Variants in PNCK observed in about 807,000 individuals in gnomAD.
PNCK encodes pregnancy up-regulated nonubiquitous CaM kinase, also known as calcium/calmodulin-dependent protein kinase type 1B.
PNCK carries 21 observed loss-of-function variants against 28.3 expected under a neutral mutation model. The observed-to-expected ratio is 0.74, with a 90% CI of 0.53 to 1.07. The LOEUF (loss-of-function observed/expected upper bound fraction) is 1.07, where lower values mean the gene tolerates loss of function less well. Ranked by LOEUF, PNCK falls within the 50% of genes least tolerant of loss-of-function variation. PNCK has a pLI of 0.00. For synonymous variants in PNCK, 136 were observed against 125.2 expected, an observed-to-expected ratio of 1.09 and a Z score of -0.58; for missense variants, 250 against 298.3, an observed-to-expected ratio of 0.84 and a Z score of 1.19.
rs2091273185 is a variant in PNCK at position 153,670,014 on chromosome X, C to T, written c.*124G>A. On this transcript the variant is annotated 3_prime_UTR_variant, in exon 12 of 12. Transcript: ENST00000340888. ...TCCAACCCCAGCGCCATGCGCCACA[C>T]CCTCAAATCTCAAAATCCAGCAGAG... 3.5e-6 allele frequency: 1 copy of T among 284,880 alleles called. No individual in the cohort carries two copies. Among genetic ancestry groups the T allele is most frequent in the African/African-American group, 2.7e-5 (1 of 36,409 alleles). 23.5% of individuals were successfully genotyped at this position (284,880 alleles called of 1,213,427 possible). A position where few individuals can be genotyped will look rare whatever the true frequency, so the allele number is the denominator to read the frequency against.
chrX:153,672,071 C>T (rs2044394509), intron 4 of PNCK, 53 bp from the exon 5 acceptor site: 3 of 1,198,808 alleles, frequency 2.5e-6, no homozygotes, highest in Non-Finnish European at 3.4e-6. Context: ...GCCTTCAGCC[C>T]CACTCACTGC....
Position 153,671,955 on chromosome X carries a change from G to A in PNCK, c.339C>T (p.Ala113=), listed in dbSNP as rs1557040060. The A allele has an allele frequency of 2.5e-6, 3 of 1,209,251 alleles. No homozygotes were observed. Among genetic ancestry groups the A allele is most frequent in the Non-Finnish European group, 3.4e-6 (3 of 895,120 alleles). The part of the protein sequence containing the change: ...MERGSYTEKD[A]SHLVGQVLGA... ...CAAGGACCTGACCCACCAGATGGCT[G>A]GCATCCTTCTCTGTGTAGGAGCCGC... Residue 113 remains alanine, a synonymous_variant, in exon 5 of 12, where the codon GCC becomes GCT. Transcript: ENST00000340888.
chrX:153,670,502 G>A lies in PNCK; in HGVS notation c.987C>T (p.Arg329=). The A allele has an allele frequency of 8.3e-7, 1 of 1,209,754 alleles. No homozygotes were observed. The highest frequency in any genetic ancestry group is 1.1e-6 in the Non-Finnish European group (1 of 894,890). ...CAGCACGGAGGCCTGAGTGGCTGTG[G>A]CGGGCCATGCCCTGCTCAGAGGCCC... The part of the protein sequence containing the change: ...GEGASEQGMA[R]HSHSGLRAGQ... Residue 329 remains arginine (R), a synonymous_variant, in exon 11 of 12, where the codon CGC becomes CGT. Transcript: ENST00000340888.
intron 11 of PNCK, 75 bp from the exon 12 acceptor site, chrX:153,670,205 C>G: frequency 1.6e-5 from 7 of 428,599 alleles, no homozygotes; most frequent in Non-Finnish European, 2.8e-5. Flanking sequence ...CCCCCCGCCT[C>G]GGTCAAATCC....
At chrX:153,677,938 A>C (rs781976153), upstream of PNCK, among the ~76,000 whole-genome samples, 1 of 108,050 alleles carries the variant, frequency 9.3e-6, no homozygotes, top group African/African-American at 3.4e-5. Flanking sequence ...ACCCATGTAC[A>C]TATAGATAGA....
chrX:153,673,729 T>C (rs2091343880), intron 1 of PNCK, 51 bp downstream of exon 1: 5 of 694,616 alleles, frequency 7.2e-6, no homozygotes, highest in Non-Finnish European at 8.5e-6. Flanking sequence ...GCGGGCCGGA[T>C]CCGGTGCGCC....
At chrX:153,674,309 C>T (rs1407517792), upstream of PNCK, 6 of 883,201 alleles carry the variant, frequency 6.8e-6, no homozygotes, top group East Asian at 2.0e-4. Flanking sequence ...CCAGAGCATT[C>T]CTTTTATTGA....
At chrX:153,672,091 C>T (rs200709145) in intron 4 of PNCK, 35 bp downstream of exon 4, 14,384 of 1,196,071 alleles carry the variant, frequency 0.012, 74 homozygotes, top group Non-Finnish European at 0.015. Context: ...CTCAGTCCCT[C>T]CCCGGCTCCC....
Position 153,670,817 on chromosome X carries a change from G to A in PNCK, c.821C>T (p.Thr274Ile), listed in dbSNP as rs782342775. ...ALRHLWISGD[T>I]AFDRDILGSV... ...GCCTAAGATGTCCCTGTCGAAGGCT[G>A]TGTCCCCAGAGATCCTGGGGAAAGG... The change falls in exon 10 of 12, where the codon ACA becomes ATA. Residue 274 changes from threonine to isoleucine, a missense_variant. Coordinates refer to ENST00000340888, the MANE Select transcript of PNCK (RefSeq NM_001366977.1). 7.4e-6 allele frequency: 9 copies of A among 1,211,465 alleles called. No individual in the cohort carries two copies. Among genetic ancestry groups the A allele is most frequent in the Non-Finnish European group, 1.0e-5 (9 of 894,853 alleles).
At chrX:153,673,295 C>A (rs201493480) in intron 1 of PNCK, 7 of 1,182,803 alleles carry the variant, frequency 5.9e-6, no homozygotes, top group Non-Finnish European at 7.9e-6. Flanking sequence ...TGCTATCCCA[C>A]GCACCCTCCC....
chrX:153,671,716 G>A lies in PNCK; in HGVS notation c.415-44C>T, dbSNP rs782261545. 1.6e-5 allele frequency: 19 copies of A among 1,167,319 alleles called. No individual in the cohort carries two copies. The African/African-American group carries it at 1.8e-4, about 11-fold the overall frequency. ...GGGAAAAGGGCCAGTCAGTCCTGAC[G>A]CGGTGCCGGTGCTGGGACAGGATGG... On this transcript the variant is annotated intron_variant, in intron 5 of 11. Transcript: ENST00000340888.
chrX:153,678,835 CTTT>C (rs55925645), upstream of PNCK, among the ~76,000 whole-genome samples: 3 of 95,098 alleles, frequency 3.2e-5, no homozygotes, highest in African/African-American at 1.1e-4. Context: ...CGTTTTCTGT[CTTT>C]TTTTTTTTTT....
chrX:153,673,707 G>C (rs1458671613), intron 1 of PNCK, 73 bp downstream of exon 1: 3 of 603,890 alleles, frequency 5.0e-6, no homozygotes, highest in African/African-American at 5.0e-5. Flanking sequence ...GACGCGCAAG[G>C]CTGCGGCGGC....
In PNCK at chrX:153,672,174, A is replaced by C. The variant is rs1557040198; in HGVS notation, c.227T>G (p.Leu76Arg). The C allele has an allele frequency of 8.3e-7, 1 of 1,206,791 alleles. No individual in the cohort carries two copies. The highest frequency in any genetic ancestry group is 3.0e-5 in the East Asian group (1 of 33,765). ...RRISHPNIVA[L>R]EDVHESPSHL... ...GGAAGGGCTCTCGTGGACATCCTCCAGAGCGACGATGTTGGGGTGACTGAT... is the reference window on the plus strand; with the variant it reads ...GGAAGGGCTCTCGTGGACATCCTCCCGAGCGACGATGTTGGGGTGACTGAT... Residue 76 changes from leucine (L) to arginine (R), a missense_variant, in exon 4 of 12, where the codon CTG (leucine) becomes CGG (arginine). Physicochemically the swap from Leu to Arg is moderately radical, Grantham distance 102. Transcript: ENST00000340888.
chrX:153,687,386 G>C (rs1326535574), intron 1 of PNCK: 2 of 324,313 alleles, frequency 6.2e-6, no homozygotes, highest in East Asian at 1.0e-4. Context: ...TCATCAGCCA[G>C]GCAGGCTCCC....
intron 1 of PNCK, among the ~76,000 whole-genome samples, chrX:153,684,824 G>A (rs782355913): frequency 3.2e-5 from 1 of 31,650 alleles, no homozygotes; most frequent in Non-Finnish European, 6.0e-5. Flanking sequence ...CCCCTCCCCT[G>A]CCCTCCCCCC....
At chrX:153,680,002 T>C (rs957743092) in intron 1 of PNCK, among the ~76,000 whole-genome samples, 9 of 110,643 alleles carry the variant, frequency 8.1e-5, no homozygotes, top group Non-Finnish European at 1.5e-4. Context: ...CAGTGAGCCA[T>C]GATCATGCCA....
chrX:153,684,425 C>T (rs895586673), intron 1 of PNCK, among the ~76,000 whole-genome samples: 10 of 112,265 alleles, frequency 8.9e-5, no homozygotes, highest in South Asian at 3.7e-4. Flanking sequence ...GTGGGAAGGG[C>T]GCGGGTGGGG....
intron 3 of PNCK, 84 bp from the exon 4 acceptor site, chrX:153,672,284 T>G: frequency 1.0e-6 from 1 of 993,997 alleles, no homozygotes; most frequent in Non-Finnish European, 1.4e-6. Flanking sequence ...TCCTCCCTCT[T>G]CTCTTCCTCC....
Sources: gnomAD v4.1 joint callset for allele counts (sites outside exome capture counted in the v4.1 genomes callset) on GRCh38, gnomAD v4.1.1 for gene constraint, MANE v1.5 for transcripts, NCBI Gene and HGNC (gene_info 2026-07-23, HGNC 2026-07-21) for gene names.